FRAS1: variants seen among roughly 807,000 people sequenced by gnomAD.
FRAS1 encodes Fraser extracellular matrix complex subunit 1.
Under a neutral mutation model 435.2 loss-of-function variants are expected in FRAS1, and 290 were observed. The observed-to-expected ratio is 0.67, with a 90% CI of 0.61 to 0.73. FRAS1 has a LOEUF of 0.73. Ranked by LOEUF, FRAS1 falls within the 30% of genes least tolerant of loss-of-function variation. The probability of loss-of-function intolerance (pLI) is 0.00; values close to 1 mark genes in which losing one functional copy is unlikely to be tolerated. For missense variants in FRAS1, 4,860 were observed against 5,001.5 expected, an observed-to-expected ratio of 0.97 and a Z score of 0.85; for synonymous variants, 1,800 against 1,851.0, an observed-to-expected ratio of 0.97 and a Z score of 0.71.
intron 2 of FRAS1, among the ~76,000 whole-genome samples, chr4:78,114,788 A>T (rs1047866769): frequency 2.6e-5 from 4 of 152,230 alleles, no homozygotes; most frequent in Admixed American, 2.6e-4. Context: ...GGACAATGTG[A>T]CTTCCTCTTT....
rs532613022 is a variant in FRAS1, at chr4:78,464,377, C to T, written c.6889-66C>T. On this transcript the variant is annotated intron_variant, in intron 48 of 73. Transcript: ENST00000512123. ...TGTGAAAGAGAAAAGTAGAGAGCACCTACCTTGGACTTGTTGGGTAGGTGC... is the reference window on the plus strand; with the variant it reads ...TGTGAAAGAGAAAAGTAGAGAGCACTTACCTTGGACTTGTTGGGTAGGTGC... 5.7e-6 allele frequency: 9 copies of T among 1,592,284 alleles called. No individual in the cohort carries two copies. The Middle Eastern group carries it at 5.0e-4, about 89-fold the overall frequency.
At chr4:78,069,697 A>G (rs1377164694) in intron 2 of FRAS1, among the ~76,000 whole-genome samples, 1 of 152,088 alleles carries the variant, frequency 6.6e-6, no homozygotes, top group Non-Finnish European at 1.5e-5. Flanking sequence ...CCATAACACA[A>G]TTTCTCCTTA....
chr4:78,273,627 C>T (rs1240266328), intron 9 of FRAS1, among the ~76,000 whole-genome samples: 1 of 152,126 alleles, frequency 6.6e-6, no homozygotes, highest in African/African-American at 2.4e-5. Context: ...TATTGTTTTG[C>T]ATATGTTGAA....
chr4:78,471,368 T>C (rs963205189), intron 51 of FRAS1, among the ~76,000 whole-genome samples: 1 of 151,874 alleles, frequency 6.6e-6, no homozygotes, highest in Non-Finnish European at 1.5e-5. Flanking sequence ...GGTTGGGTTT[T>C]AAAAAAAACA....
At chr4:78,423,610 T>C (rs1191207874) in intron 34 of FRAS1, among the ~76,000 whole-genome samples, 1 of 152,254 alleles carries the variant, frequency 6.6e-6, no homozygotes, top group African/African-American at 2.4e-5. Context: ...CTTTTTTGAT[T>C]ATGGTAAACA....
chr4:78,338,490 G>C (rs1252770423), intron 20 of FRAS1, among the ~76,000 whole-genome samples: 1 of 152,152 alleles, frequency 6.6e-6, no homozygotes, highest in Non-Finnish European at 1.5e-5. Context: ...CTATAGACTG[G>C]GGAGGGGAAT....
In FRAS1 at chr4:78,282,851, A is replaced by C; in HGVS notation, c.1139A>C (p.Lys380Thr). ...GAGAAGTGGGAAGATGGCCCTTGCAAGGTGTGTGAGTGCCGAGGGGCTCAG... is the reference window on the plus strand; with the variant it reads ...GAGAAGTGGGAAGATGGCCCTTGCACGGTGTGTGAGTGCCGAGGGGCTCAG... ...EGEKWEDGPC[K>T]VCECRGAQVT... The change falls in exon 12 of 74, where the codon AAG (lysine) becomes ACG (threonine). Residue 380 changes from lysine to threonine, a missense_variant. Physicochemically the swap from Lys to Thr is moderately conservative, Grantham distance 78. Transcript: ENST00000512123. 1 of 1,613,300 alleles carries C rather than the reference A, an allele frequency of 6.2e-7. No homozygotes were observed. Among genetic ancestry groups the C allele is most frequent in the East Asian group, 2.2e-5 (1 of 44,866 alleles).
At chr4:78,093,193 G>A (rs937555587) in intron 2 of FRAS1, among the ~76,000 whole-genome samples, 3 of 152,196 alleles carry the variant, frequency 2.0e-5, no homozygotes, top group African/African-American at 7.2e-5. Flanking sequence ...AGAACAATTA[G>A]ATATGCATTG....
chr4:78,403,061 A>T (rs534577680), intron 30 of FRAS1, among the ~76,000 whole-genome samples: 1 of 152,332 alleles, frequency 6.6e-6, no homozygotes, highest in Admixed American at 6.5e-5. Flanking sequence ...ATTTGTAATT[A>T]GTAAGTTTCC....
At chr4:78,281,266 A>G in intron 10 of FRAS1, 132 bp from the exon 11 acceptor site, 1 of 611,750 alleles carries the variant, frequency 1.6e-6, no homozygotes, top group Non-Finnish European at 2.9e-6. Context: ...GATAGATTTC[A>G]TCTCTATTCA....
chr4:78,455,186 C>T (rs1293112189), intron 47 of FRAS1, among the ~76,000 whole-genome samples: 1 of 152,186 alleles, frequency 6.6e-6, no homozygotes, highest in Non-Finnish European at 1.5e-5. Flanking sequence ...CACACTGAGC[C>T]CTTCTGTTTC....
At chr4:78,241,944 A>C (rs1725019639) in intron 3 of FRAS1, among the ~76,000 whole-genome samples, 1 of 152,126 alleles carries the variant, frequency 6.6e-6, no homozygotes, top group African/African-American at 2.4e-5. Flanking sequence ...TGAAAGTGAG[A>C]GAGTGATCAG....
chr4:78,222,902 C>T (rs72862175), intron 2 of FRAS1, among the ~76,000 whole-genome samples: 2,045 of 152,294 alleles, frequency 0.013, 45 homozygotes, highest in African/African-American at 0.043. Context: ...AGCCTCCTCA[C>T]TTGGCAGGGA....
intron 2 of FRAS1, among the ~76,000 whole-genome samples, chr4:78,203,288 A>G (rs1000306098): frequency 6.6e-6 from 1 of 152,110 alleles, no homozygotes; most frequent in African/African-American, 2.4e-5. Context: ...TCAGCAAGGG[A>G]CTGAAAGGTA....
At chr4:78,448,383 A>G (rs890931898) in intron 44 of FRAS1, 67 bp downstream of exon 44, 3 of 1,419,492 alleles carry the variant, frequency 2.1e-6, no homozygotes, top group Non-Finnish European at 2.8e-6. Context: ...TCCAGTATGC[A>G]GTACTTTCTT....
Position 78,078,698 on chromosome 4 carries a change from A to T in FRAS1, c.108+12682A>T, listed in dbSNP as rs1356257136. 3.9e-5 allele frequency among the ~76,000 whole-genome samples: 6 copies of T among 152,232 alleles called. No individual in the cohort carries two copies. In the East Asian group the frequency reaches 1.2e-3, roughly 29 times the overall value. ...ATGTAAATCTAACCAAAAATAATTC[A>T]TGTAAGTATTTAAGAAACCACCAAA... On this transcript the variant is annotated intron_variant, in intron 2 of 73. Coordinates refer to ENST00000512123, the MANE Select transcript of FRAS1 (RefSeq NM_025074.7).
At chr4:78,418,818 C>T (rs1560716014) in intron 32 of FRAS1, 131 bp from the exon 33 acceptor site, 2 of 570,792 alleles carry the variant, frequency 3.5e-6, no homozygotes, top group Non-Finnish European at 6.1e-6. Context: ...CTTTTGAACT[C>T]TCGAAAATTT....
intron 15 of FRAS1, among the ~76,000 whole-genome samples, chr4:78,309,106 C>G (rs370244262): frequency 6.6e-6 from 1 of 152,100 alleles, no homozygotes; most frequent in South Asian, 2.1e-4. Flanking sequence ...GACCAGAGGT[C>G]GGAGTGATAG....
At chr4:78,192,750 G>T (rs887710426) in intron 2 of FRAS1, among the ~76,000 whole-genome samples, 1 of 152,032 alleles carries the variant, frequency 6.6e-6, no homozygotes, top group African/African-American at 2.4e-5. Flanking sequence ...TTTTTTGAGG[G>T]GTTTTTTGTG....
Sources: allele counts gnomAD v4.1 joint callset (sites outside exome capture counted in the v4.1 genomes callset), GRCh38; gene constraint gnomAD v4.1.1; transcripts MANE v1.5; gene names NCBI Gene and HGNC (gene_info 2026-07-23, HGNC 2026-07-21).